The following MOB3B variants were observed in gnomAD, a reference collection of about 807,000 sequenced individuals.
MOB3B encodes MOB kinase activator 3B, also known as MOB kinase activator-like 2B.
MOB3B carries 7 observed loss-of-function variants against 18.7 expected under a neutral mutation model. That is an observed-to-expected ratio of 0.37 (90% CI 0.21 to 0.70). The LOEUF is 0.70. MOB3B is among the 30% of genes least tolerant of loss of function. MOB3B has a pLI of 0.52. For synonymous variants in MOB3B, 111 were observed against 99.9 expected (o/e 1.11, Z -0.66); for missense variants, 253 against 281.3 (o/e 0.90, Z 0.72).
At chr9:27,367,529 A>G (rs1274653070) in intron 2 of MOB3B, among the ~76,000 whole-genome samples, 1 of 152,212 alleles carries the variant, frequency 6.6e-6, no homozygotes, top group Non-Finnish European at 1.5e-5. Context: ...CCCTTAAGCA[A>G]CTTTGCTAAC....
At chr9:27,408,579 C>T (rs543477999) in intron 2 of MOB3B, among the ~76,000 whole-genome samples, 1 of 152,298 alleles carries the variant, frequency 6.6e-6, no homozygotes, top group East Asian at 1.9e-4. Flanking sequence ...TGAAAGAATG[C>T]AGTAGCTGTA....
intron 3 of MOB3B, among the ~76,000 whole-genome samples, chr9:27,357,485 T>C (rs568433512): frequency 6.6e-6 from 1 of 151,804 alleles, no homozygotes; most frequent in South Asian, 2.1e-4. Context: ...CAGGCCAAGG[T>C]ATCAGATAAC....
At chr9:27,389,367 C>A (rs1250480356) in intron 2 of MOB3B, among the ~76,000 whole-genome samples, 3 of 143,052 alleles carry the variant, frequency 2.1e-5, no homozygotes, top group Non-Finnish European at 3.0e-5. Context: ...CCGTTTCATT[C>A]CACTCCTCTT....
At chr9:27,463,304 C>T (rs958589960) in intron 1 of MOB3B, among the ~76,000 whole-genome samples, 8 of 152,164 alleles carry the variant, frequency 5.3e-5, no homozygotes, top group East Asian at 1.9e-4. Context: ...ACCTAATTTA[C>T]GCTTAAGGAA....
chr9:27,512,733 G>C (rs1445264895), intron 1 of MOB3B, among the ~76,000 whole-genome samples: 1 of 152,044 alleles, frequency 6.6e-6, no homozygotes, highest in East Asian at 1.9e-4. Context: ...GTCAGCTCTA[G>C]GCTCTCATCT....
intron 1 of MOB3B, among the ~76,000 whole-genome samples, chr9:27,467,223 A>AC (rs1819398249): frequency 1.3e-5 from 2 of 152,204 alleles, no homozygotes; most frequent in South Asian, 4.1e-4. Flanking sequence ...AGCCAGAAAG[A>AC]TGCAGGTCTG....
In MOB3B at chr9:27,502,162, C is replaced by T. The variant is rs143456533; in HGVS notation, c.-199+27393G>A. Reference sequence around the variant, plus strand: ...TAGTGCTGCATGCTCTACTTACATACTTCACTGCCTGTTTTCAGATCAAAA... The same window carrying T: ...TAGTGCTGCATGCTCTACTTACATATTTCACTGCCTGTTTTCAGATCAAAA... On this transcript the variant is annotated intron_variant, in intron 1 of 3. Coordinates refer to ENST00000262244, the MANE Select transcript of MOB3B (RefSeq NM_024761.5). 3.2e-3 allele frequency among the ~76,000 whole-genome samples: 493 copies of T among 152,266 alleles called. 2 individuals carry two copies. The highest frequency in any genetic ancestry group is 5.9e-3 in the Non-Finnish European group (399 of 68,004).
chr9:27,464,564 G>A (rs1340560519), intron 1 of MOB3B, among the ~76,000 whole-genome samples: 2 of 152,018 alleles, frequency 1.3e-5, no homozygotes, highest in Non-Finnish European at 2.9e-5. Flanking sequence ...TTACATTCCT[G>A]GTTATAATCC....
At chr9:27,428,636 A>G (rs1380414750) in intron 2 of MOB3B, among the ~76,000 whole-genome samples, 1 of 152,254 alleles carries the variant, frequency 6.6e-6, no homozygotes, top group African/African-American at 2.4e-5. Context: ...ATTTATTGAC[A>G]TGACTTATTG....
chr9:27,501,302 G>A (rs538955960), intron 1 of MOB3B, among the ~76,000 whole-genome samples: 15 of 152,238 alleles, frequency 9.9e-5, no homozygotes, highest in Middle Eastern at 6.8e-3. Context: ...ACATGCACAC[G>A]TATGTTTATT....
intron 2 of MOB3B, among the ~76,000 whole-genome samples, chr9:27,430,827 C>T (rs1822406705): frequency 6.6e-6 from 1 of 151,688 alleles, no homozygotes; most frequent in African/African-American, 2.4e-5. Flanking sequence ...ACTCCTGGTT[C>T]TTACCACCGT....
chr9:27,467,499 G>A (rs1819403141), intron 1 of MOB3B, among the ~76,000 whole-genome samples: 1 of 152,200 alleles, frequency 6.6e-6, no homozygotes. Flanking sequence ...TTCCCCACAA[G>A]ACCTAAGCAC....
chr9:27,459,110 T>C (rs1236386317), intron 1 of MOB3B, among the ~76,000 whole-genome samples: 1 of 152,090 alleles, frequency 6.6e-6, no homozygotes, highest in Non-Finnish European at 1.5e-5. Flanking sequence ...ATCTGTGTCT[T>C]TTCCTGAGTG....
chr9:27,331,881 G>A (rs190826307), intron 3 of MOB3B, among the ~76,000 whole-genome samples: 54 of 152,302 alleles, frequency 3.5e-4, no homozygotes, highest in Non-Finnish European at 5.6e-4. Flanking sequence ...CGTTCTATTC[G>A]AAAACCATAC....
intron 1 of MOB3B, among the ~76,000 whole-genome samples, chr9:27,498,046 G>C (rs1224641514): frequency 6.6e-6 from 1 of 152,178 alleles, no homozygotes; most frequent in Non-Finnish European, 1.5e-5. Context: ...AGAGGGAAAT[G>C]CATTCATTTG....
intron 1 of MOB3B, among the ~76,000 whole-genome samples, chr9:27,465,792 T>C (rs114934072): frequency 6.6e-6 from 1 of 152,206 alleles, no homozygotes; most frequent in Admixed American, 6.5e-5. Context: ...TTCCACCCTC[T>C]GAAGCCACAC....
At chr9:27,378,616 A>G (rs537693500) in intron 2 of MOB3B, 5 of 470,788 alleles carry the variant, frequency 1.1e-5, no homozygotes, top group Admixed American at 7.1e-5. Context: ...ATCTCACTCT[A>G]TGGCTTTCTG....
chr9:27,378,657 T>A (rs1311299680), intron 2 of MOB3B: 1 of 471,140 alleles, frequency 2.1e-6, no homozygotes. Context: ...CCAGCCCTGA[T>A]GACTCCCTGA....
intron 3 of MOB3B, among the ~76,000 whole-genome samples, chr9:27,332,142 A>AACACC (rs994543705): frequency 1.3e-5 from 2 of 152,110 alleles, no homozygotes; most frequent in African/African-American, 4.8e-5. Flanking sequence ...ATAGGCACAC[A>AACACC]ACACCACACC....
Sources: gnomAD v4.1 joint callset for allele counts (sites outside exome capture counted in the v4.1 genomes callset) on GRCh38, gnomAD v4.1.1 for gene constraint, MANE v1.5 for transcripts, NCBI Gene and HGNC (gene_info 2026-07-23, HGNC 2026-07-21) for gene names.